Variants in SLTM observed in about 807,000 individuals in gnomAD.
The protein encoded by SLTM is SAFB-like transcription modulator.
A neutral mutation model predicts 134.6 loss-of-function variants in SLTM; 43 were observed. The observed-to-expected ratio is 0.32, with a 90% CI of 0.25 to 0.41. SLTM has a LOEUF of 0.41. Ranked by LOEUF, SLTM falls within the 10% of genes least tolerant of loss-of-function variation. The pLI is 1.00. For missense variants in SLTM, 1,055 were observed against 1,288.8 expected, an observed-to-expected ratio of 0.82 and a Z score of 2.78; for synonymous variants, 424 against 432.3, an observed-to-expected ratio of 0.98 and a Z score of 0.24.
intron 19 of SLTM, among the ~76,000 whole-genome samples, chr15:58,885,882 C>T (rs545506174): frequency 6.6e-6 from 1 of 152,208 alleles, no homozygotes; most frequent in South Asian, 2.1e-4. Flanking sequence ...TGGAGACACA[C>T]ACACTGCACA....
At chr15:58,913,765 G>A in intron 3 of SLTM, 69 bp from the exon 4 acceptor site, 1 of 1,185,962 alleles carries the variant, frequency 8.4e-7, no homozygotes, top group Non-Finnish European at 1.2e-6. Flanking sequence ...AAACGTTTTT[G>A]GTAATTTACA....
intron 20 of SLTM, among the ~76,000 whole-genome samples, chr15:58,881,965 C>T (rs1330772454): frequency 6.6e-6 from 1 of 151,680 alleles, no homozygotes; most frequent in Non-Finnish European, 1.5e-5. Flanking sequence ...AATCCTAGCA[C>T]TTTAGAAGGC....
intron 2 of SLTM, among the ~76,000 whole-genome samples, chr15:58,931,208 A>G (rs1395064746): frequency 6.6e-6 from 1 of 152,176 alleles, no homozygotes; most frequent in East Asian, 1.9e-4. Flanking sequence ...GTTATCTTAA[A>G]AGCTACCTTT....
chr15:58,909,341 G>C (rs2036094699), intron 5 of SLTM, among the ~76,000 whole-genome samples: 1 of 152,032 alleles, frequency 6.6e-6, no homozygotes, highest in African/African-American at 2.4e-5. Flanking sequence ...ATCTAAAGGG[G>C]AAAAAAGGAA....
chr15:58,898,905 C>A, intron 7 of SLTM, 53 bp from the exon 8 acceptor site: 1 of 1,270,824 alleles, frequency 7.9e-7, no homozygotes, highest in South Asian at 1.3e-5. Context: ...AAAACAAACC[C>A]AAAACAGAAC....
intron 5 of SLTM, among the ~76,000 whole-genome samples, chr15:58,904,443 GCC>G (rs2035723943): frequency 6.6e-6 from 1 of 152,058 alleles, no homozygotes; most frequent in African/African-American, 2.4e-5. Context: ...AAAAAGCTCG[GCC>G]ATAAGCTAAG....
chr15:58,897,231 T>G lies in SLTM; in HGVS notation c.1111A>C (p.Ser371Arg). The change falls in exon 9 of 21, where the codon AGT (serine) becomes CGT (arginine). Residue 371 changes from serine (S) to arginine (R), a missense_variant and splice_region_variant. This residue lies in a region of SLTM where 776 missense variants were observed against 962.2 expected (regional missense o/e 0.81). Coordinates refer to ENST00000380516, the MANE Select transcript of SLTM (RefSeq NM_024755.4). ...CTGCTACCACTAGTACTACTTGTACTTCCTAGAATAGATTTAATATCAGAT... is the reference window on the plus strand; with the variant it reads ...CTGCTACCACTAGTACTACTTGTACGTCCTAGAATAGATTTAATATCAGAT... ...SKTSSKDDKGSTSSTSGSSGS... is the reference protein window; with the variant it reads ...SKTSSKDDKGRTSSTSGSSGS... 1.3e-6 allele frequency: 2 copies of G among 1,544,316 alleles called. No individual in the cohort carries two copies. Among genetic ancestry groups the G allele is most frequent in the Non-Finnish European group, 1.8e-6 (2 of 1,119,360 alleles).
rs780584524 is a variant in SLTM, at chr15:58,901,290, G to A, written c.562-3C>T. On this transcript the variant is annotated splice_region_variant and splice_polypyrimidine_tract_variant and intron_variant, in intron 5 of 20. Coordinates refer to ENST00000380516, the MANE Select transcript of SLTM (RefSeq NM_024755.4). ...TCATTTTCTTCTTCCTCACCATCCTGAAATTCAAAGAATAATCAAATGTAA... is the reference window on the plus strand; with the variant it reads ...TCATTTTCTTCTTCCTCACCATCCTAAAATTCAAAGAATAATCAAATGTAA... 1.2e-6 allele frequency: 2 copies of A among 1,602,340 alleles called. No homozygotes were observed. Among genetic ancestry groups the A allele is most frequent in the Non-Finnish European group, 1.7e-6 (2 of 1,174,230 alleles).
At chr15:58,884,783 C>T (rs2034047108) in intron 19 of SLTM, among the ~76,000 whole-genome samples, 1 of 152,096 alleles carries the variant, frequency 6.6e-6, no homozygotes, top group African/African-American at 2.4e-5. Context: ...AGGGTGCACA[C>T]CACCATGCCC....
At chr15:58,922,618 T>C in intron 2 of SLTM, among the ~76,000 whole-genome samples, 2 of 146,742 alleles carry the variant, frequency 1.4e-5, no homozygotes, top group East Asian at 3.9e-4. Context: ...AAATATATTA[T>C]ATACATGTAT....
chr15:58,888,545 G>T lies in SLTM; in HGVS notation c.2215C>A (p.Pro739Thr). 1.9e-6 allele frequency: 3 copies of T among 1,611,948 alleles called. No homozygotes were observed. The highest frequency in any genetic ancestry group is 2.5e-6 in the Non-Finnish European group (3 of 1,179,440). ...PRDVDHRRDD[P>T]YWSENKKLSL... Reference sequence around the variant, plus strand: ...AACTTTTTATTCTCGCTCCAGTAAGGATCATCTCGCCTTGAAGAGAAATAT... The same window carrying T: ...AACTTTTTATTCTCGCTCCAGTAAGTATCATCTCGCCTTGAAGAGAAATAT... The change falls in exon 17 of 21, where the codon CCT (proline) becomes ACT (threonine). Residue 739 changes from proline (P) to threonine (T), a missense_variant. This residue lies in a region of SLTM where 776 missense variants were observed against 962.2 expected (regional missense o/e 0.81). Transcript: ENST00000380516.
At chr15:58,910,035 T>G (rs2036148642) in intron 5 of SLTM, among the ~76,000 whole-genome samples, 1 of 152,156 alleles carries the variant, frequency 6.6e-6, no homozygotes, top group African/African-American at 2.4e-5. Context: ...TAGAGAAAAA[T>G]CTACAGAAAA....
At chr15:58,924,546 T>C (rs1440674739) in intron 2 of SLTM, among the ~76,000 whole-genome samples, 1 of 152,176 alleles carries the variant, frequency 6.6e-6, no homozygotes, top group African/African-American at 2.4e-5. Context: ...TGCAATGAAA[T>C]GTAAGCAGAT....
chr15:58,898,513 A>G (rs1479303763), intron 8 of SLTM: 1 of 221,832 alleles, frequency 4.5e-6, no homozygotes, highest in African/African-American at 2.3e-5. Context: ...AATGTAAGAA[A>G]GTATCTATTA....
rs1446987326 is a variant in SLTM, at chr15:58,887,270, G to C, written c.2646C>G (p.Ser882Arg). The C allele has an allele frequency of 2.5e-6, 4 of 1,614,124 alleles. No individual in the cohort carries two copies. Among genetic ancestry groups the C allele is most frequent in the Non-Finnish European group, 3.4e-6 (4 of 1,180,010 alleles). ...TGGACATGCTTCCTTCACTTTTCCA[G>C]CTGGTGGGTCTGGAAGGATTGGGCC... The part of the protein sequence containing the change: ...EAGPNPSRPT[S>R]WKSEGSMSTD... The change falls in exon 18 of 21, where the codon AGC (serine) becomes AGG (arginine). Residue 882 changes from serine to arginine, a missense_variant. Around this residue, in one of 3 missense-constraint regions of SLTM, gnomAD observed 776 missense variants for 962.2 expected, o/e 0.81. Transcript: ENST00000380516.
At chr15:58,925,872 T>C (rs1161010703) in intron 2 of SLTM, among the ~76,000 whole-genome samples, 2 of 152,086 alleles carry the variant, frequency 1.3e-5, no homozygotes, top group Non-Finnish European at 1.5e-5. Flanking sequence ...AAAAAGAAAA[T>C]AGTCCTGCTT....
At chr15:58,891,245 T>A (rs974144627) in intron 14 of SLTM, among the ~76,000 whole-genome samples, 1 of 152,176 alleles carries the variant, frequency 6.6e-6, no homozygotes, top group Admixed American at 6.5e-5. Context: ...TGTATGAGGA[T>A]GAAGGTATCT....
At chr15:58,887,746 A>G (rs377341886) in intron 17 of SLTM, 1 of 428,360 alleles carries the variant, frequency 2.3e-6, no homozygotes. Context: ...GTTTTTTAGC[A>G]TTCAGGAGAA....
intron 12 of SLTM, 102 bp downstream of exon 12, chr15:58,893,719 A>G: frequency 7.7e-7 from 1 of 1,299,118 alleles, no homozygotes; most frequent in Non-Finnish European, 1.1e-6. Context: ...GACACCTAAC[A>G]ACAAAGCTTA....
Sources: gnomAD v4.1 joint callset for allele counts (sites outside exome capture counted in the v4.1 genomes callset) on GRCh38, gnomAD v4.1.1 for gene constraint, gnomAD v4.1.1 regional missense constraint, MANE v1.5 for transcripts, NCBI Gene and HGNC (gene_info 2026-07-23, HGNC 2026-07-21) for gene names.